The following TARBP1 variants were observed in gnomAD, a reference collection of about 807,000 sequenced individuals.
The protein encoded by TARBP1 is tRNA (guanosine(18)-2'-O)-methyltransferase TARBP1.
In TARBP1, 144 loss-of-function variants were observed where a neutral mutation model predicts 178.6. The observed-to-expected ratio is 0.81, with a 90% CI of 0.70 to 0.93. The LOEUF is 0.93. TARBP1 is among the 40% of genes least tolerant of loss of function. The pLI is 0.00. For synonymous variants in TARBP1, 787 were observed against 781.0 expected (o/e 1.01, Z -0.13); for missense variants, 2,067 against 2,011.7 (o/e 1.03, Z -0.53).
chr1:234,463,840 T>C lies in TARBP1; in HGVS notation c.1396A>G (p.Lys466Glu). Residue 466 changes from lysine (K) to glutamate (E), a missense_variant, in exon 6 of 30, where the codon AAG (lysine) becomes GAG (glutamate). Transcript: ENST00000040877. Reference protein sequence around the residue: ...TYISLLPEEIKSSFLLKFIRK... With the variant: ...TYISLLPEEIESSFLLKFIRK... ...AAAACCCTTTACTGACACATACTCT[T>C]TATTTCTTCTGGAAGAAGAGAAATA... The C allele has an allele frequency of 6.4e-7, 1 of 1,556,292 alleles. No individual in the cohort carries two copies. Among genetic ancestry groups the C allele is most frequent in the South Asian group, 1.2e-5 (1 of 81,758 alleles).
rs1659355664 is a variant in TARBP1, at chr1:234,391,462, G to T, written c.*115C>A. ...CATGGCAAACTTTTGGCATTAAATT[G>T]CAAGAAAAAAGAAATACAAATTATC... On this transcript the variant is annotated 3_prime_UTR_variant, in exon 30 of 30. Transcript: ENST00000040877. The T allele has an allele frequency of 4.9e-6, 6 of 1,219,912 alleles. No individual in the cohort carries two copies. Among genetic ancestry groups the T allele is most frequent in the Non-Finnish European group, 5.5e-6 (5 of 908,894 alleles). 75.6% of individuals were successfully genotyped at this position (1,219,912 alleles called of 1,614,324 possible).
chr1:234,452,682 C>T (rs1332498512), intron 9 of TARBP1, among the ~76,000 whole-genome samples: 1 of 152,088 alleles, frequency 6.6e-6, no homozygotes, highest in African/African-American at 2.4e-5. Context: ...CATAATCTTA[C>T]CACTCAATCT....
intron 22 of TARBP1, among the ~76,000 whole-genome samples, chr1:234,412,370 C>T (rs1046677828): frequency 2.7e-5 from 4 of 147,476 alleles, no homozygotes; most frequent in Non-Finnish European, 4.5e-5. Context: ...TGCAGTGAGC[C>T]GAGATCACAC....
chr1:234,395,879 A>C (rs1250373465), intron 26 of TARBP1, among the ~76,000 whole-genome samples: 1 of 152,174 alleles, frequency 6.6e-6, no homozygotes, highest in Non-Finnish European at 1.5e-5. Flanking sequence ...TATAGGTAAC[A>C]ATAATGTATG....
chr1:234,478,048 G>A, intron 1 of TARBP1, 125 bp downstream of exon 1: 2 of 955,318 alleles, frequency 2.1e-6, no homozygotes, highest in Non-Finnish European at 3.1e-6. Flanking sequence ...GGAGCAACGC[G>A]GAATAACCAA....
intron 12 of TARBP1, among the ~76,000 whole-genome samples, chr1:234,446,280 C>T (rs1666168701): frequency 6.6e-6 from 1 of 152,096 alleles, no homozygotes. Flanking sequence ...GAAGAAAGAG[C>T]TCAATGCTTC....
intron 3 of TARBP1, 131 bp from the exon 4 acceptor site, chr1:234,467,781 G>C: frequency 1.0e-6 from 1 of 1,003,524 alleles, no homozygotes; most frequent in Non-Finnish European, 1.4e-6. Flanking sequence ...TTTTGTTACT[G>C]TTTTTTGAGA....
At chr1:234,463,787 AG>A in intron 6 of TARBP1, 49 bp downstream of exon 6, 1 of 1,120,398 alleles carries the variant, frequency 8.9e-7, no homozygotes, top group East Asian at 2.8e-5. Flanking sequence ...TAAAAAAAAA[AG>A]AAACTGTAAG....
chr1:234,460,155 T>C, intron 7 of TARBP1, 106 bp downstream of exon 7: 1 of 1,274,684 alleles, frequency 7.8e-7, no homozygotes, highest in Non-Finnish European at 1.1e-6. Flanking sequence ...CCAATCCCAA[T>C]ATTAACTATA....
At chr1:234,448,647 A>C (rs545415922) in intron 10 of TARBP1, 68 bp from the exon 11 acceptor site, 19 of 1,244,536 alleles carry the variant, frequency 1.5e-5, no homozygotes, top group East Asian at 1.4e-4. Flanking sequence ...CTTCAAAAAA[A>C]CCCACTAAAT....
chr1:234,426,108 T>C (rs1456907314), intron 19 of TARBP1, among the ~76,000 whole-genome samples: 1 of 152,186 alleles, frequency 6.6e-6, no homozygotes, highest in Admixed American at 6.6e-5. Flanking sequence ...TCACAGCTCA[T>C]GAGCCTATCC....
rs1558195287 is a variant in TARBP1, at chr1:234,430,285, C to G, written c.2411G>C (p.Ser804Thr). 6.2e-7 allele frequency: 1 copy of G among 1,613,738 alleles called. No individual in the cohort carries two copies. Among genetic ancestry groups the G allele is most frequent in the East Asian group, 2.2e-5 (1 of 44,886 alleles). ...CATGCTCACTACTCTCTGAATCTGA[C>G]TTCCAACTGTTGGCTCCTGAAAAGG... Reference protein sequence around the residue: ...MDSGQEPTVGSQIQRVVSMAA... With the variant: ...MDSGQEPTVGTQIQRVVSMAA... Residue 804 changes from serine to threonine, a missense_variant, in exon 15 of 30, where the codon AGT becomes ACT. By Grantham distance (58) the Ser-to-Thr change is moderately conservative. Coordinates refer to ENST00000040877, the MANE Select transcript of TARBP1 (RefSeq NM_005646.4).
chr1:234,409,191 C>A (rs1423326986), intron 23 of TARBP1, among the ~76,000 whole-genome samples: 1 of 151,858 alleles, frequency 6.6e-6, no homozygotes, highest in Non-Finnish European at 1.5e-5. Flanking sequence ...GAAATTCTTC[C>A]ATTTCACTAA....
rs12096520 is a variant in TARBP1, at chr1:234,438,216, A to G, written c.2135-844T>C. ...TAAATAAGATTCAGAGTTTCATATT[A>G]TAATATTCAAAACAGCTAGGATATA... On this transcript the variant is annotated intron_variant, in intron 12 of 29. Coordinates refer to ENST00000040877, the MANE Select transcript of TARBP1 (RefSeq NM_005646.4). Among the ~76,000 whole-genome samples, 1,475 of 152,334 alleles carry G rather than the reference A, an allele frequency of 9.7e-3. 25 individuals carry two copies. The highest frequency in any genetic ancestry group is 0.033 in the African/African-American group (1,360 of 41,568).
chr1:234,466,176 G>A (rs1223772421), intron 4 of TARBP1, among the ~76,000 whole-genome samples: 1 of 152,158 alleles, frequency 6.6e-6, no homozygotes, highest in African/African-American at 2.4e-5. Context: ...GTAGAAACAT[G>A]ATGCATATCA....
chr1:234,406,206 A>T, intron 23 of TARBP1, 107 bp from the exon 24 acceptor site: 1 of 986,914 alleles, frequency 1.0e-6, no homozygotes. Context: ...TCCTAGTAAA[A>T]CTTCTTCCAC....
intron 13 of TARBP1, among the ~76,000 whole-genome samples, chr1:234,436,544 G>A (rs1391660205): frequency 3.3e-5 from 5 of 152,060 alleles, no homozygotes; most frequent in Non-Finnish European, 7.4e-5. Context: ...TCTTTCAGTT[G>A]AATACTTGTA....
At position 234,432,846 on chromosome 1, in the gene TARBP1, C is replaced by T. The variant is rs16843166; in HGVS notation, c.2394+564G>A. 7.6e-3 allele frequency among the ~76,000 whole-genome samples: 1,152 copies of T among 152,188 alleles called. 12 individuals carry two copies. Among genetic ancestry groups the T allele is most frequent in the African/African-American group, 0.025 (1,048 of 41,516 alleles). The stretch of plus-strand genomic sequence containing the variant: ...GAGGTAGGAAGCCAAGCATGGAGGG[C>T]AATGATGTCAGACTATAAAATGTCC... On this transcript the variant is annotated intron_variant, in intron 14 of 29. Transcript: ENST00000040877.
chr1:234,406,252 T>C (rs1661229060), intron 23 of TARBP1, 153 bp from the exon 24 acceptor site: 1 of 665,548 alleles, frequency 1.5e-6, no homozygotes, highest in East Asian at 2.7e-5. Flanking sequence ...TCTTCCCTCC[T>C]GGTCAAATGC....
Sources: allele counts gnomAD v4.1 joint callset (sites outside exome capture counted in the v4.1 genomes callset), GRCh38; gene constraint gnomAD v4.1.1; transcripts MANE v1.5; gene names NCBI Gene and HGNC (gene_info 2026-07-23, HGNC 2026-07-21).